Variants in NTM observed in about 807,000 individuals in gnomAD.
The protein encoded by NTM is IgLON family member 2.
In NTM, 13 loss-of-function variants were observed where a neutral mutation model predicts 42.1. That is an observed-to-expected ratio of 0.31 (90% CI 0.20 to 0.49). The LOEUF (loss-of-function observed/expected upper bound fraction) is 0.49, where lower values mean the gene tolerates loss of function less well. Among genes scored for constraint, NTM ranks in the 20% least tolerant of loss-of-function variants. The probability of loss-of-function intolerance (pLI) is 0.99; values close to 1 mark genes in which losing one functional copy is unlikely to be tolerated. For missense variants in NTM, 373 were observed against 452.8 expected (o/e 0.82, Z 1.60); for synonymous variants, 187 against 179.2 (o/e 1.04, Z -0.35).
At chr11:131,479,286 G>T (rs1162134016) in intron 1 of NTM, among the ~76,000 whole-genome samples, 2 of 152,208 alleles carry the variant, frequency 1.3e-5, no homozygotes, top group East Asian at 1.9e-4. Flanking sequence ...TCCATACAGG[G>T]CAGGTTTTCC....
intron 1 of NTM, among the ~76,000 whole-genome samples, chr11:131,717,595 CTTG>C (rs1269733278): frequency 6.6e-6 from 1 of 152,176 alleles, no homozygotes; most frequent in Non-Finnish European, 1.5e-5. Context: ...CAATGCTACT[CTTG>C]TTTGTTCTAG....
intron 1 of NTM, among the ~76,000 whole-genome samples, chr11:131,747,471 C>T (rs2081962691): frequency 6.6e-6 from 1 of 152,216 alleles, no homozygotes; most frequent in African/African-American, 2.4e-5. Flanking sequence ...GAAGTTCCTC[C>T]TGTGTCCCTA....
intron 1 of NTM, among the ~76,000 whole-genome samples, chr11:131,634,445 A>C (rs932079011): frequency 5.3e-5 from 8 of 152,112 alleles, no homozygotes; most frequent in African/African-American, 1.9e-4. Context: ...TCTGCATAAT[A>C]CAGTAATGAA....
chr11:132,163,831 C>T (rs569239548), intron 3 of NTM, among the ~76,000 whole-genome samples: 8 of 152,238 alleles, frequency 5.3e-5, no homozygotes, highest in East Asian at 1.9e-4. Flanking sequence ...GCAATACCAA[C>T]GTTGAGGTCC....
intron 4 of NTM, among the ~76,000 whole-genome samples, chr11:132,234,242 G>A (rs909354521): frequency 6.6e-6 from 1 of 152,144 alleles, no homozygotes; most frequent in Admixed American, 6.5e-5. Context: ...TGGTTGCTTT[G>A]TTTCTGTAGC....
chr11:131,975,680 T>C (rs988893642), intron 2 of NTM, among the ~76,000 whole-genome samples: 30 of 152,126 alleles, frequency 2.0e-4, no homozygotes, highest in Non-Finnish European at 1.5e-4. Context: ...TCTGCCTGAG[T>C]TGGTGTAAAT....
At chr11:131,668,397 A>C (rs966867631) in intron 1 of NTM, among the ~76,000 whole-genome samples, 22 of 151,866 alleles carry the variant, frequency 1.4e-4, no homozygotes, top group African/African-American at 4.8e-4. Context: ...TAAAAAAAAA[A>C]CAAAAACCTT....
At chr11:131,615,566 G>A (rs559383791) in intron 1 of NTM, among the ~76,000 whole-genome samples, 29 of 152,052 alleles carry the variant, frequency 1.9e-4, no homozygotes, top group Non-Finnish European at 3.5e-4. Context: ...GATGGGATTT[G>A]ATCTTGTTGG....
intron 2 of NTM, chr11:131,984,676 G>A (rs1050097243): frequency 6.6e-6 from 1 of 152,056 alleles, no homozygotes; most frequent in Non-Finnish European, 1.5e-5. Flanking sequence ...CTCTTTTAAA[G>A]GAAAATCATA....
At chr11:131,434,395 C>T (rs1591652738) in intron 1 of NTM, among the ~76,000 whole-genome samples, 1 of 152,190 alleles carries the variant, frequency 6.6e-6, no homozygotes, top group Admixed American at 6.5e-5. Context: ...CTAATTTACA[C>T]TCCCACCAAC....
At chr11:131,603,946 T>C (rs576441655) in intron 1 of NTM, among the ~76,000 whole-genome samples, 20 of 152,266 alleles carry the variant, frequency 1.3e-4, no homozygotes, top group Non-Finnish European at 2.1e-4. Flanking sequence ...TTAATAGACA[T>C]GTGGATTGTT....
At chr11:131,392,586 T>C (rs758858172) in intron 1 of NTM, among the ~76,000 whole-genome samples, 1 of 152,200 alleles carries the variant, frequency 6.6e-6, no homozygotes, top group African/African-American at 2.4e-5. Flanking sequence ...GGATGTGTTT[T>C]ATAAGCTTCG....
intron 4 of NTM, among the ~76,000 whole-genome samples, chr11:132,286,662 A>G (rs2094247586): frequency 6.6e-6 from 1 of 152,100 alleles, no homozygotes; most frequent in South Asian, 2.1e-4. Flanking sequence ...GGGATATTCG[A>G]ATATGCATGA....
intron 1 of NTM, among the ~76,000 whole-genome samples, chr11:131,759,421 A>G (rs940766140): frequency 6.6e-6 from 1 of 152,226 alleles, no homozygotes; most frequent in African/African-American, 2.4e-5. Context: ...ACAGCTTTGC[A>G]GAGCTTATTC....
chr11:132,246,409 C>T (rs546689387), intron 4 of NTM, among the ~76,000 whole-genome samples: 1 of 152,224 alleles, frequency 6.6e-6, no homozygotes, highest in Non-Finnish European at 1.5e-5. Flanking sequence ...TCCTCCTTTA[C>T]AGGTAAGGAG....
At chr11:132,186,907 G>A (rs908362582) in intron 3 of NTM, among the ~76,000 whole-genome samples, 11 of 152,222 alleles carry the variant, frequency 7.2e-5, no homozygotes, top group Middle Eastern at 3.4e-3. Context: ...GCTAGGTGGC[G>A]CCCTGTGGAG....
At chr11:131,458,697 GAA>G (rs1951117455) in intron 1 of NTM, among the ~76,000 whole-genome samples, 1 of 152,352 alleles carries the variant, frequency 6.6e-6, no homozygotes, top group South Asian at 2.1e-4. Flanking sequence ...AACATTTGCT[GAA>G]TTAAATTTTG....
At chr11:131,944,146 A>G (rs977419449) in intron 2 of NTM, among the ~76,000 whole-genome samples, 1 of 152,232 alleles carries the variant, frequency 6.6e-6, no homozygotes, top group Admixed American at 6.5e-5. Flanking sequence ...TAGCAGATAA[A>G]TGCCACTGGC....
Position 131,633,766 on chromosome 11 carries a change from C to CCTCT in NTM, c.82+262898_82+262901dup, listed in dbSNP as rs1238243158. ...CCCTCTCTCTCCCTCCCTCTCTCTC[C>CCTCT]CTCTCTCTCTCTCTCTCTCTCTCAC... On this transcript the variant is annotated intron_variant, in intron 1 of 8. Coordinates refer to ENST00000683400, the MANE Select transcript of NTM (RefSeq NM_001352005.2). Among the ~76,000 whole-genome samples, 180 of 40,012 alleles carry CCTCT rather than the reference C, an allele frequency of 4.5e-3. 2 individuals carry two copies. The highest frequency in any genetic ancestry group is 0.012 in the African/African-American group (166 of 14,030). The allele number at this position is 40,012 out of a possible 152,430, so 26.2% of individuals were successfully genotyped here.
Sources: allele counts gnomAD v4.1 joint callset (sites outside exome capture counted in the v4.1 genomes callset), GRCh38; gene constraint gnomAD v4.1.1; transcripts MANE v1.5; gene names NCBI Gene and HGNC (gene_info 2026-07-23, HGNC 2026-07-21).